The following TMEM64 variants were observed in gnomAD, a reference collection of about 807,000 sequenced individuals.
TMEM64 encodes the protein transmembrane protein 64.
A neutral mutation model predicts 24.5 loss-of-function variants in TMEM64; 19 were observed. The ratio of observed to expected loss-of-function variants is 0.78; its 90% CI spans 0.54 to 1.14. The LOEUF is 1.14. Ranked by LOEUF, TMEM64 falls within the 50% of genes most tolerant of loss-of-function variation. The probability of loss-of-function intolerance (pLI) is 0.00; values close to 1 mark genes in which losing one functional copy is unlikely to be tolerated. For synonymous variants in TMEM64, 262 were observed against 224.7 expected (o/e 1.17, Z -1.49); for missense variants, 487 against 493.0 (o/e 0.99, Z 0.12).
chr8:90,627,276 G>T lies in TMEM64; in HGVS notation c.952-1414C>A, dbSNP rs543078830. Among the ~76,000 whole-genome samples the T allele has an allele frequency of 1.8e-3, 279 of 152,126 alleles. 8 individuals carry two copies. The South Asian group carries it at 0.056, about 31-fold the overall frequency. ...AGGAACTTGGAACTTGCACAAGGGG[G>T]TGCCATTAAATGAGTACCCATCACT... is the stretch of plus-strand genomic sequence containing the variant. On this transcript the variant is annotated intron_variant, in intron 2 of 2. Transcript: ENST00000458549.
At position 90,645,689 on chromosome 8, in the gene TMEM64, G is replaced by A; in HGVS notation, c.217C>T (p.His73Tyr). 1.4e-6 allele frequency: 2 copies of A among 1,474,142 alleles called. No homozygotes were observed. The highest frequency in any genetic ancestry group is 1.4e-5 in the African/African-American group (1 of 69,190). The allele number at this position is 1,474,142 out of a possible 1,614,324, so 91.3% of individuals were successfully genotyped here. A position where few individuals can be genotyped will look rare whatever the true frequency, so the allele number is the denominator to read the frequency against. Residue 73 changes from histidine to tyrosine, a missense_variant, in exon 1 of 3, where the codon CAC becomes TAC. Physicochemically the swap from His to Tyr is moderately conservative, Grantham distance 83. Coordinates refer to ENST00000458549, the MANE Select transcript of TMEM64 (RefSeq NM_001008495.4). The surrounding 1 kb of genome is among the most constrained non-coding windows in gnomAD (Gnocchi z 4.2). ...GALLGAYLER[H>Y]GPPEASELPE... Reference sequence around the variant, plus strand: ...AGCTCCGAAGCCTCGGGCGGACCGTGGCGCTCCAGATAGGCGCCGAGCAGG... The same window carrying A: ...AGCTCCGAAGCCTCGGGCGGACCGTAGCGCTCCAGATAGGCGCCGAGCAGG...
intron 2 of TMEM64, among the ~76,000 whole-genome samples, chr8:90,628,112 G>A (rs1563953642): frequency 6.6e-6 from 1 of 152,188 alleles, no homozygotes; most frequent in East Asian, 1.9e-4. Context: ...GCTGAGTGAA[G>A]TGTTAAAAAG....
rs374040300 is a variant in TMEM64 at position 90,645,080 on chromosome 8, G to A, written c.795+31C>T. Reference sequence around the variant, plus strand: ...ACAAGACCGCTCAAAAACAGACTTGGAGAGGGATAGGCCAGCGGGACCCCA... The same window carrying A: ...ACAAGACCGCTCAAAAACAGACTTGAAGAGGGATAGGCCAGCGGGACCCCA... On this transcript the variant is annotated intron_variant, in intron 1 of 2. Transcript: ENST00000458549. This position sits in a 1 kb window ranked among gnomAD's most constrained non-coding sequence, Gnocchi z 4.2. 8.3e-6 allele frequency: 13 copies of A among 1,575,476 alleles called. No homozygotes were observed. Among genetic ancestry groups the A allele is most frequent in the Admixed American group, 1.7e-5 (1 of 58,210 alleles).
Position 90,635,511 on chromosome 8 carries a change from C to T in TMEM64, c.796-3804G>A, listed in dbSNP as rs116122765. On this transcript the variant is annotated intron_variant, in intron 1 of 2. Coordinates refer to ENST00000458549, the MANE Select transcript of TMEM64 (RefSeq NM_001008495.4). ...GGCAGTACAGCTAGGATTGTTTATACGACACACACAAATCCCGTAAAATAA... is the reference window on the plus strand; with the variant it reads ...GGCAGTACAGCTAGGATTGTTTATATGACACACACAAATCCCGTAAAATAA... Among the ~76,000 whole-genome samples the T allele has an allele frequency of 8.5e-3, 1,291 of 151,770 alleles. 18 individuals are homozygous for T. The highest frequency in any genetic ancestry group is 0.029 in the African/African-American group (1,201 of 41,350).
intron 1 of TMEM64, among the ~76,000 whole-genome samples, chr8:90,640,706 T>G (rs1302149756): frequency 1.3e-5 from 2 of 152,244 alleles, no homozygotes; most frequent in Non-Finnish European, 2.9e-5. Context: ...GTAATTTATC[T>G]TCTTGATAGC....
chr8:90,634,182 G>A (rs950662341), intron 1 of TMEM64, among the ~76,000 whole-genome samples: 6 of 151,900 alleles, frequency 3.9e-5, no homozygotes, highest in South Asian at 2.1e-4. Context: ...ATCCCTCCCC[G>A]TTCCAGTAGC....
chr8:90,637,549 A>G (rs1328776737), intron 1 of TMEM64, among the ~76,000 whole-genome samples: 2 of 152,166 alleles, frequency 1.3e-5, no homozygotes, highest in Admixed American at 6.5e-5. Flanking sequence ...TAACAAAGTT[A>G]CTGTTAAAAT....
intron 1 of TMEM64, among the ~76,000 whole-genome samples, chr8:90,638,098 C>G (rs1809550274): frequency 1.3e-5 from 2 of 151,312 alleles, no homozygotes; most frequent in Non-Finnish European, 2.9e-5. Flanking sequence ...ACAGACTACC[C>G]CCACTCACTA....
chr8:90,642,420 T>C (rs375805073), intron 1 of TMEM64, among the ~76,000 whole-genome samples: 1 of 114,040 alleles, frequency 8.8e-6, no homozygotes, highest in Non-Finnish European at 1.7e-5. Context: ...GGAATTTTTT[T>C]CTTTAAAAAA....
intron 1 of TMEM64, among the ~76,000 whole-genome samples, chr8:90,632,277 G>A (rs1022868814): frequency 3.3e-5 from 5 of 151,874 alleles, no homozygotes; most frequent in Non-Finnish European, 7.4e-5. Context: ...CTCCCAAGTA[G>A]CTAGGACTAC....
rs1024078508 is a variant in TMEM64 at position 90,622,427 on chromosome 8, C to A, written c.*3244G>T. ...AAAATTCCACCACCAAGGCCATCAA[C>A]CAGGTTAGTACTGTTTTTCCTGGGG... On this transcript the variant is annotated 3_prime_UTR_variant, in exon 3 of 3. Transcript: ENST00000458549. 19 of 152,214 alleles carry A rather than the reference C, an allele frequency of 1.2e-4. No homozygotes were observed. The highest frequency in any genetic ancestry group is 4.6e-4 in the African/African-American group (19 of 41,444). 9.4% of individuals were successfully genotyped at this position (152,214 alleles called of 1,614,324 possible). A position where few individuals can be genotyped will look rare whatever the true frequency, so the allele number is the denominator to read the frequency against.
rs1782908836 is a variant in TMEM64, at chr8:90,624,103, T to G, written c.*1568A>C. On this transcript the variant is annotated 3_prime_UTR_variant, in exon 3 of 3. Coordinates refer to ENST00000458549, the MANE Select transcript of TMEM64 (RefSeq NM_001008495.4). Reference sequence around the variant, plus strand: ...TGCACTGGTCTTCTAGGTATGGACATATAAATGAACTTTACTGTTACTCAA... The same window carrying G: ...TGCACTGGTCTTCTAGGTATGGACAGATAAATGAACTTTACTGTTACTCAA... The G allele has an allele frequency of 1.3e-5, 2 of 152,044 alleles. No individual in the cohort carries two copies. The highest frequency in any genetic ancestry group is 4.1e-4 in the South Asian group (2 of 4,826). The allele number at this position is 152,044 out of a possible 1,614,324, so 9.4% of individuals were successfully genotyped here.
chr8:90,641,524 A>G (rs965894419), intron 1 of TMEM64, among the ~76,000 whole-genome samples: 1 of 152,194 alleles, frequency 6.6e-6, no homozygotes, highest in Admixed American at 6.5e-5. Context: ...CTGATCTTTA[A>G]GGTGCTCTAA....
intron 1 of TMEM64, 124 bp from the exon 2 acceptor site, chr8:90,631,831 A>G: frequency 1.5e-6 from 1 of 647,316 alleles, no homozygotes. Context: ...TCTTTACAAC[A>G]GTATTCTGAG....
intron 1 of TMEM64, among the ~76,000 whole-genome samples, chr8:90,635,647 G>A (rs1473810390): frequency 6.6e-6 from 1 of 152,034 alleles, no homozygotes; most frequent in African/African-American, 2.4e-5. Flanking sequence ...TGATGTGAAT[G>A]GAGCTAAGCT....
rs375262988 is a variant in TMEM64 at position 90,625,689 on chromosome 8, A to T, written c.1125T>A (p.Gly375=). 1 of 1,613,588 alleles carries T rather than the reference A, an allele frequency of 6.2e-7. No homozygotes were observed. The highest frequency in any genetic ancestry group is 8.5e-7 in the Non-Finnish European group (1 of 1,179,808). Residue 375 remains glycine, a synonymous_variant, in exon 3 of 3, where the codon GGT becomes GGA. Coordinates refer to ENST00000458549, the MANE Select transcript of TMEM64 (RefSeq NM_001008495.4). ...YNKRTLTFSG[G]GINVV The stretch of plus-strand genomic sequence containing the variant: ...ATTAGAATCATACAACATTGATTCC[A>T]CCTCCAGAAAATGTTAGGGTCCTCT...
At chr8:90,627,187 G>A (rs1809373269) in intron 2 of TMEM64, among the ~76,000 whole-genome samples, 1 of 152,146 alleles carries the variant, frequency 6.6e-6, no homozygotes, top group Admixed American at 6.6e-5. Flanking sequence ...CAAGTGCTGA[G>A]GGTGGTTGGG....
intron 1 of TMEM64, among the ~76,000 whole-genome samples, chr8:90,636,402 C>T (rs1180000299): frequency 1.3e-5 from 2 of 152,034 alleles, no homozygotes; most frequent in Non-Finnish European, 2.9e-5. Flanking sequence ...ATTACAGGTG[C>T]ACACCACCAC....
In TMEM64 at chr8:90,645,938, G is replaced by A; in HGVS notation, c.-33C>T. On this transcript the variant is annotated 5_prime_UTR_variant, in exon 1 of 3. Transcript: ENST00000458549. The surrounding 1 kb of genome is among the most constrained non-coding windows in gnomAD (Gnocchi z 4.2). The stretch of plus-strand genomic sequence containing the variant: ...CCCAGCGCGGGCCCTCAGCCGGCCA[G>A]CCCCTCCGCCGCGGCGCCCGTTAGG... 1.8e-6 allele frequency: 2 copies of A among 1,111,068 alleles called. No homozygotes were observed. Among genetic ancestry groups the A allele is most frequent in the Non-Finnish European group, 2.2e-6 (2 of 906,112 alleles). The allele number at this position is 1,111,068 out of a possible 1,614,324, so 68.8% of individuals were successfully genotyped here.
Sources: allele counts gnomAD v4.1 joint callset (sites outside exome capture counted in the v4.1 genomes callset), GRCh38; gene constraint gnomAD v4.1.1; non-coding constraint Gnocchi (gnomAD v3.1); transcripts MANE v1.5; gene names NCBI Gene and HGNC (gene_info 2026-07-23, HGNC 2026-07-21).